ITGAE: variants seen among roughly 807,000 people sequenced by gnomAD.
ITGAE encodes integrin alpha-E.
ITGAE carries 99 observed loss-of-function variants against 136.5 expected under a neutral mutation model. The ratio of observed to expected loss-of-function variants is 0.73; its 90% CI spans 0.62 to 0.86. ITGAE has a LOEUF of 0.86. ITGAE is among the 40% of genes least tolerant of loss of function. The pLI, the probability that ITGAE is intolerant of heterozygous loss-of-function variation, is 0.00. For missense variants in ITGAE, 1,447 were observed against 1,515.3 expected (o/e 0.95, Z 0.75); for synonymous variants, 613 against 591.8 (o/e 1.04, Z -0.52).
chr17:3,768,466 C>A (rs1232206460), intron 2 of ITGAE, among the ~76,000 whole-genome samples: 1 of 152,194 alleles, frequency 6.6e-6, no homozygotes, highest in Non-Finnish European at 1.5e-5. Context: ...GTAGTTTACA[C>A]CAATGTCCCT....
At chr17:3,787,224 GC>G (rs987082440) in intron 1 of ITGAE, among the ~76,000 whole-genome samples, 21 of 151,618 alleles carry the variant, frequency 1.4e-4, no homozygotes, top group Non-Finnish European at 2.9e-4. Context: ...CGATTCTCCT[GC>G]CTCAGCCTCC....
chr17:3,741,018 C>T (rs182363663), intron 19 of ITGAE, among the ~76,000 whole-genome samples: 2 of 149,904 alleles, frequency 1.3e-5, no homozygotes, highest in Admixed American at 1.3e-4. Flanking sequence ...GAAGTCAAAG[C>T]GTGGCGCTCT....
At chr17:3,789,855 G>A (rs911272000) in intron 1 of ITGAE, among the ~76,000 whole-genome samples, 25 of 152,104 alleles carry the variant, frequency 1.6e-4, no homozygotes, top group African/African-American at 5.6e-4. Flanking sequence ...CATGAAAAAC[G>A]TCTTTTTTAT....
rs771034422 is a variant in ITGAE at position 3,727,982 on chromosome 17, A to G, written c.3021T>C (p.Ile1007=). 2.5e-6 allele frequency: 4 copies of G among 1,614,098 alleles called. No homozygotes were observed. In the East Asian group the frequency reaches 8.9e-5, roughly 36 times the overall value. Reference sequence around the variant, plus strand: ...GACCTCGTAATTTGGTTGGGACGCAAATTTGCAACTGGTATTCTGCTCCAA... The same window carrying G: ...GACCTCGTAATTTGGTTGGGACGCAGATTTGCAACTGGTATTCTGCTCCAA... The part of the protein sequence containing the change: ...NLFGAEYQLQ[I]CVPTKLRGLQ... Residue 1007 remains isoleucine (I), a synonymous_variant, in exon 26 of 31, where the codon ATT becomes ATC. Coordinates refer to ENST00000263087, the MANE Select transcript of ITGAE (RefSeq NM_002208.5).
intron 1 of ITGAE, among the ~76,000 whole-genome samples, chr17:3,789,867 G>C (rs943896786): frequency 6.6e-6 from 1 of 152,092 alleles, no homozygotes; most frequent in Non-Finnish European, 1.5e-5. Flanking sequence ...CTTTTTTATG[G>C]ATAAATTATT....
At chr17:3,728,409 T>C (rs1211052870) in intron 24 of ITGAE, 27 of 433,348 alleles carry the variant, frequency 6.2e-5, no homozygotes, top group Non-Finnish European at 1.1e-4. Context: ...AGTCTTGCTC[T>C]GTTGCCCAGG....
chr17:3,716,092 TG>T (rs1184237799), intron 30 of ITGAE, among the ~76,000 whole-genome samples: 3 of 136,680 alleles, frequency 2.2e-5, no homozygotes, highest in Non-Finnish European at 4.9e-5. Context: ...GGGGTCAGGG[TG>T]GGGGGAAGGG....
chr17:3,775,856 T>C (rs892601672), intron 2 of ITGAE, among the ~76,000 whole-genome samples: 1 of 152,002 alleles, frequency 6.6e-6, no homozygotes, highest in Non-Finnish European at 1.5e-5. Context: ...ATCCTCAGCT[T>C]TACCAGATAC....
intron 21 of ITGAE, among the ~76,000 whole-genome samples, chr17:3,733,735 T>C (rs1394124907): frequency 6.6e-6 from 1 of 152,246 alleles, no homozygotes; most frequent in South Asian, 2.1e-4. Flanking sequence ...ACTACACTAT[T>C]GTGTGTATCA....
intron 2 of ITGAE, among the ~76,000 whole-genome samples, chr17:3,774,276 G>A (rs900956606): frequency 1.3e-5 from 2 of 152,170 alleles, no homozygotes; most frequent in African/African-American, 4.8e-5. Context: ...GTGGGCTGGG[G>A]TGGGATGAGG....
At chr17:3,734,796 C>G in intron 21 of ITGAE, 21 bp downstream of exon 21, 4 of 1,613,578 alleles carry the variant, frequency 2.5e-6, no homozygotes, top group Non-Finnish European at 3.4e-6. Context: ...GACCTGTTTC[C>G]ACAGCCACCG....
chr17:3,783,039 G>C (rs1338059684), intron 1 of ITGAE, among the ~76,000 whole-genome samples: 1 of 152,202 alleles, frequency 6.6e-6, no homozygotes, highest in African/African-American at 2.4e-5. Context: ...TTCTGAAGTC[G>C]ATGAGCGCAC....
intron 26 of ITGAE, 124 bp downstream of exon 26, chr17:3,727,795 A>T: frequency 1.5e-6 from 1 of 680,636 alleles, no homozygotes; most frequent in Non-Finnish European, 2.6e-6. Context: ...TCGGGAATTT[A>T]CTCCTAATCT....
chr17:3,753,979 T>C, intron 12 of ITGAE, 54 bp from the exon 13 acceptor site: 1 of 1,581,804 alleles, frequency 6.3e-7, no homozygotes. Context: ...ACCTGGCCTC[T>C]CTCTTGGCCC....
chr17:3,735,269 G>A (rs1191498184), intron 20 of ITGAE, among the ~76,000 whole-genome samples: 1 of 152,214 alleles, frequency 6.6e-6, no homozygotes, highest in Non-Finnish European at 1.5e-5. Context: ...CCAGGTTCAA[G>A]CAATTCTCCC....
At chr17:3,716,404 C>T (rs545019820) in intron 30 of ITGAE, among the ~76,000 whole-genome samples, 9 of 152,300 alleles carry the variant, frequency 5.9e-5, no homozygotes, top group Non-Finnish European at 1.0e-4. Context: ...CTATTGAACT[C>T]ACAGGTAACC....
chr17:3,763,859 G>T lies in ITGAE; in HGVS notation c.247+10C>A. On this transcript the variant is annotated intron_variant, in intron 3 of 30. Coordinates refer to ENST00000263087, the MANE Select transcript of ITGAE (RefSeq NM_002208.5). ...CTGGGGAGCATTCCCTGGAGTTGGG[G>T]CTGACTTACCTACAGGATGGCAAAG... 2 of 1,608,984 alleles carry T rather than the reference G, an allele frequency of 1.2e-6. No individual in the cohort carries two copies. Among genetic ancestry groups the T allele is most frequent in the Non-Finnish European group, 1.7e-6 (2 of 1,175,554 alleles).
At chr17:3,753,990 C>T (rs1198767284) in intron 12 of ITGAE, 65 bp from the exon 13 acceptor site, 10 of 1,561,872 alleles carry the variant, frequency 6.4e-6, no homozygotes, top group Admixed American at 3.5e-5. Context: ...CTCTTGGCCC[C>T]GGCACCTTCC....
chr17:3,782,796 T>C (rs918213492), intron 1 of ITGAE, among the ~76,000 whole-genome samples: 1 of 152,208 alleles, frequency 6.6e-6, no homozygotes, highest in African/African-American at 2.4e-5. Flanking sequence ...ACTCCTTTTT[T>C]TGGTTTAGTG....
Sources: allele counts gnomAD v4.1 joint callset (sites outside exome capture counted in the v4.1 genomes callset), GRCh38; gene constraint gnomAD v4.1.1; transcripts MANE v1.5; gene names NCBI Gene and HGNC (gene_info 2026-07-23, HGNC 2026-07-21).